Variants in VRK2 observed in about 807,000 individuals in gnomAD.
VRK2 encodes serine/threonine-protein kinase VRK2.
VRK2 carries 60 observed loss-of-function variants against 57.6 expected under a neutral mutation model. The ratio of observed to expected loss-of-function variants is 1.04; its 90% CI spans 0.85 to 1.29. VRK2 has a LOEUF of 1.29. Ranked by LOEUF, VRK2 falls within the 50% of genes most tolerant of loss-of-function variation. The pLI, the probability that VRK2 is intolerant of heterozygous loss-of-function variation, is 0.00. For synonymous variants in VRK2, 231 were observed against 199.2 expected (o/e 1.16, Z -1.35); for missense variants, 705 against 588.1 (o/e 1.20, Z -2.06).
At chr2:58,132,040 A>C in intron 9 of VRK2, 112 bp downstream of exon 9, 2 of 1,333,842 alleles carry the variant, frequency 1.5e-6, no homozygotes, top group Non-Finnish European at 2.0e-6. Context: ...CAACCAAAGC[A>C]AATTTCTTTA....
chr2:58,014,945 C>T (rs1401287010), intron 1 of VRK2, among the ~76,000 whole-genome samples: 1 of 152,006 alleles, frequency 6.6e-6, no homozygotes, highest in Non-Finnish European at 1.5e-5. Flanking sequence ...CTGCTAACAC[C>T]TTGATTTTCC....
At chr2:57,911,153 T>C (rs771451693) in intron 1 of VRK2, among the ~76,000 whole-genome samples, 10 of 152,040 alleles carry the variant, frequency 6.6e-5, no homozygotes, top group Non-Finnish European at 1.3e-4. Flanking sequence ...CTCATTACTC[T>C]CACCAGTTAC....
At chr2:58,145,773 C>T (rs1357895145) in intron 11 of VRK2, among the ~76,000 whole-genome samples, 1 of 151,962 alleles carries the variant, frequency 6.6e-6, no homozygotes, top group Non-Finnish European at 1.5e-5. Flanking sequence ...ATCCCTCCTC[C>T]CTTCCCCCAC....
At chr2:58,053,908 A>T (rs865810140) in intron 2 of VRK2, among the ~76,000 whole-genome samples, 1 of 152,160 alleles carries the variant, frequency 6.6e-6, no homozygotes, top group Non-Finnish European at 1.5e-5. Context: ...ACTAGAAACT[A>T]TAGTGTTTAT....
chr2:58,013,213 C>A (rs1335379810), intron 1 of VRK2, among the ~76,000 whole-genome samples: 2 of 152,078 alleles, frequency 1.3e-5, no homozygotes, highest in African/African-American at 4.8e-5. Flanking sequence ...GTAAAAAGAT[C>A]TTTAAATATC....
intron 1 of VRK2, among the ~76,000 whole-genome samples, chr2:57,963,165 G>A (rs1239027928): frequency 6.6e-6 from 1 of 152,160 alleles, no homozygotes; most frequent in Non-Finnish European, 1.5e-5. Flanking sequence ...CCCAAAGCTA[G>A]ATACCAGTCC....
At chr2:58,042,027 A>G (rs1674479195), upstream of VRK2, among the ~76,000 whole-genome samples, 2 of 151,988 alleles carry the variant, frequency 1.3e-5, no homozygotes, top group Non-Finnish European at 2.9e-5. Flanking sequence ...CTGTAGCCCA[A>G]CCATCCTGGG....
chr2:58,030,052 G>A (rs528275161), intron 2 of VRK2, among the ~76,000 whole-genome samples: 124 of 152,146 alleles, frequency 8.2e-4, no homozygotes, highest in African/African-American at 2.6e-3. Flanking sequence ...TTGGTAGGTG[G>A]TCTCAGGCAT....
At chr2:58,147,159 A>G (rs768069516) in intron 12 of VRK2, 197 of 518,112 alleles carry the variant, frequency 3.8e-4, no homozygotes, top group Admixed American at 3.8e-3. Context: ...AAAAATTGAT[A>G]TATCAGGCAG....
chr2:58,025,263 TA>T (rs1050899617), intron 1 of VRK2, among the ~76,000 whole-genome samples: 55 of 141,064 alleles, frequency 3.9e-4, no homozygotes, highest in Non-Finnish European at 6.2e-4. Flanking sequence ...GCATTGCTCA[TA>T]TTTTTTTTTT....
At chr2:58,084,800 T>G in intron 3 of VRK2, 81 bp from the exon 4 acceptor site, 1 of 928,378 alleles carries the variant, frequency 1.1e-6, no homozygotes, top group Non-Finnish European at 1.6e-6. Flanking sequence ...ATATATATGT[T>G]CATATTTTCA....
chr2:58,053,197 C>T (rs187193317), intron 2 of VRK2, among the ~76,000 whole-genome samples: 1 of 152,282 alleles, frequency 6.6e-6, no homozygotes, highest in East Asian at 1.9e-4. Flanking sequence ...AGACAAGGCA[C>T]CTATCATGAC....
chr2:58,128,363 G>C (rs867223626), intron 8 of VRK2, among the ~76,000 whole-genome samples: 1 of 151,910 alleles, frequency 6.6e-6, no homozygotes, highest in African/African-American at 2.4e-5. Flanking sequence ...ATGGAGTCTC[G>C]CTCTGTTGTC....
intron 1 of VRK2, among the ~76,000 whole-genome samples, chr2:58,005,645 A>G (rs1242097603): frequency 1.3e-5 from 2 of 152,220 alleles, no homozygotes; most frequent in African/African-American, 4.8e-5. Context: ...ATATAAAAAG[A>G]CATGGAAGAA....
chr2:58,154,850 C>G (rs1010164347), intron 12 of VRK2: 2 of 683,800 alleles, frequency 2.9e-6, no homozygotes, highest in Middle Eastern at 2.4e-4. Context: ...GTTTGTACTG[C>G]ATCCTGTAAA....
At chr2:58,132,629 C>T (rs890762015) in intron 9 of VRK2, among the ~76,000 whole-genome samples, 1 of 152,188 alleles carries the variant, frequency 6.6e-6, no homozygotes, top group East Asian at 1.9e-4. Flanking sequence ...AAGATATGCT[C>T]AACAGTAGTT....
chr2:58,150,316 T>C (rs1223506407), intron 12 of VRK2, among the ~76,000 whole-genome samples: 1 of 151,486 alleles, frequency 6.6e-6, no homozygotes, highest in Non-Finnish European at 1.5e-5. Context: ...AGATTTTTTT[T>C]CTTGGGTCAG....
At chr2:58,020,483 G>A (rs1213508855) in intron 1 of VRK2, among the ~76,000 whole-genome samples, 1 of 152,258 alleles carries the variant, frequency 6.6e-6, no homozygotes, top group East Asian at 1.9e-4. Flanking sequence ...GGGATTACAG[G>A]TGCAAAGCAC....
At chr2:58,039,600 G>A (rs1362822650) in intron 3 of VRK2, among the ~76,000 whole-genome samples, 1 of 152,072 alleles carries the variant, frequency 6.6e-6, no homozygotes, top group East Asian at 1.9e-4. Flanking sequence ...TCAGGATTTA[G>A]TGACTAATTG....
Sources: gnomAD v4.1 joint callset for allele counts (sites outside exome capture counted in the v4.1 genomes callset) on GRCh38, gnomAD v4.1.1 for gene constraint, MANE v1.5 for transcripts, NCBI Gene and HGNC (gene_info 2026-07-23, HGNC 2026-07-21) for gene names.